The following MAN1A2 variants were observed in gnomAD, a reference collection of about 807,000 sequenced individuals.
MAN1A2 encodes the protein mannosyl-oligosaccharide 1,2-alpha-mannosidase IB.
A neutral mutation model predicts 75.7 loss-of-function variants in MAN1A2; 26 were observed. The observed-to-expected ratio is 0.34, with a 90% CI of 0.25 to 0.48. The LOEUF (loss-of-function observed/expected upper bound fraction) is 0.48. Ranked by LOEUF, MAN1A2 falls within the 20% of genes least tolerant of loss-of-function variation. MAN1A2 has a pLI of 0.99. For synonymous variants in MAN1A2, 247 were observed against 264.6 expected, an observed-to-expected ratio of 0.93 and a Z score of 0.65; for missense variants, 562 against 775.5, an observed-to-expected ratio of 0.72 and a Z score of 3.27.
rs1347144198 is a variant in MAN1A2 at position 117,499,490 on chromosome 1, A to G, written c.1613A>G (p.Tyr538Cys). ...CTCCGTCCAGAAGTAATTGAAACCT[A>G]TTGGTACCTATGGCGATTCACTCAC... Reference protein sequence around the residue: ...YILRPEVIETYWYLWRFTHDP... With the variant: ...YILRPEVIETCWYLWRFTHDP... The change falls in exon 11 of 13, where the codon TAT becomes TGT. Residue 538 changes from tyrosine to cysteine, a missense_variant. Transcript: ENST00000356554. The G allele has an allele frequency of 2.5e-6, 4 of 1,608,768 alleles. No homozygotes were observed. In the South Asian group the frequency reaches 3.3e-5, roughly 13 times the overall value.
intron 8 of MAN1A2, among the ~76,000 whole-genome samples, chr1:117,477,061 A>C (rs1345725196): frequency 1.3e-5 from 2 of 151,902 alleles, no homozygotes; most frequent in Non-Finnish European, 2.9e-5. Flanking sequence ...TCCTGGACAC[A>C]TACACCCTCC....
At chr1:117,484,761 ATG>A (rs1248168483) in intron 8 of MAN1A2, among the ~76,000 whole-genome samples, 38 of 151,934 alleles carry the variant, frequency 2.5e-4, no homozygotes, top group Admixed American at 2.5e-3. Context: ...GTCTGTGTAT[ATG>A]TAAGTTTTAA....
rs190485677 is a variant in MAN1A2 at position 117,408,214 on chromosome 1, G to T, written c.655+2569G>T. Among the ~76,000 whole-genome samples, 442 of 151,548 alleles carry T rather than the reference G, an allele frequency of 2.9e-3. 4 individuals carry two copies. Among genetic ancestry groups the T allele is most frequent in the Admixed American group, 6.8e-3 (104 of 15,194 alleles). ...GGATCGCCTGGGGCCAGGAGTCCAA[G>T]GCTATGGGGCACCATGATCATGATG... On this transcript the variant is annotated intron_variant, in intron 3 of 12. Coordinates refer to ENST00000356554, the MANE Select transcript of MAN1A2 (RefSeq NM_006699.5).
At chr1:117,405,676 A>G (rs1374856820) in intron 3 of MAN1A2, 31 bp downstream of exon 3, 5 of 1,164,812 alleles carry the variant, frequency 4.3e-6, no homozygotes, top group African/African-American at 3.0e-5. Context: ...TACTATTTCC[A>G]TTTTCTACCT....
rs527779373 is a variant in MAN1A2 at position 117,507,455 on chromosome 1, T to C, written c.1793+4485T>C. Among the ~76,000 whole-genome samples, 4 of 151,720 alleles carry C rather than the reference T, an allele frequency of 2.6e-5. No individual in the cohort carries two copies. The East Asian group carries it at 5.8e-4, about 22-fold the overall frequency. On this transcript the variant is annotated intron_variant, in intron 12 of 12. Transcript: ENST00000356554. ...TTTCTCAGTAAGTTTTTGGAACATA[T>C]GCTCCATGAAAACTGGATATAAACC...
At position 117,369,081 on chromosome 1, in the gene MAN1A2, CAGTTA is replaced by C. The variant is rs1318310253; in HGVS notation, c.302+603_302+607del. 3.9e-5 allele frequency among the ~76,000 whole-genome samples: 6 copies of C among 152,116 alleles called. No individual in the cohort carries two copies. In the South Asian group the frequency reaches 6.2e-4, roughly 16 times the overall value. On this transcript the variant is annotated intron_variant, in intron 1 of 12. Coordinates refer to ENST00000356554, the MANE Select transcript of MAN1A2 (RefSeq NM_006699.5). ...TGTGTGTTGGTGCTGTATATGAAATCAGTTAAGTTAAAAGGTATTGAATCCTAAGT... is the reference window on the plus strand; with the variant it reads ...TGTGTGTTGGTGCTGTATATGAAATCAGTTAAAAGGTATTGAATCCTAAGT...
chr1:117,509,816 C>A (rs1281903595), intron 12 of MAN1A2, among the ~76,000 whole-genome samples: 7 of 148,408 alleles, frequency 4.7e-5, no homozygotes, highest in Non-Finnish European at 3.0e-5. Flanking sequence ...GAAGAAATGA[C>A]AAAAAAAAAA....
rs755130917 is a variant in MAN1A2 at position 117,393,476 on chromosome 1, A to ATT, written c.303-8700_303-8699dup. ...AACTATTTATATAACTGCTTCAACT[A>ATT]TTTTTTTTTTTGTGTGTGTGTGTGT... is the stretch of plus-strand genomic sequence containing the variant. On this transcript the variant is annotated intron_variant, in intron 1 of 12. Transcript: ENST00000356554. Among the ~76,000 whole-genome samples the ATT allele has an allele frequency of 3.9e-3, 564 of 144,964 alleles. 8 individuals carry two copies. Among genetic ancestry groups the ATT allele is most frequent in the African/African-American group, 0.013 (529 of 39,534 alleles).
At chr1:117,522,325 G>A (rs188568365) in intron 12 of MAN1A2, among the ~76,000 whole-genome samples, 1 of 151,882 alleles carries the variant, frequency 6.6e-6, no homozygotes, top group South Asian at 2.1e-4. Flanking sequence ...CCCAGGTGTG[G>A]AGGGTTGATT....
At chr1:117,469,491 C>G (rs1168047082) in intron 8 of MAN1A2, among the ~76,000 whole-genome samples, 1 of 151,906 alleles carries the variant, frequency 6.6e-6, no homozygotes, top group Non-Finnish European at 1.5e-5. Flanking sequence ...AATTTTTGTG[C>G]ATCAAAGCAT....
intron 6 of MAN1A2, among the ~76,000 whole-genome samples, chr1:117,444,726 TA>T (rs1430172913): frequency 4.6e-5 from 7 of 152,034 alleles, no homozygotes; most frequent in Admixed American, 6.6e-5. Flanking sequence ...TTTTTCTAAT[TA>T]ATTTATAAAG....
chr1:117,512,333 A>C (rs1651562642), intron 12 of MAN1A2, among the ~76,000 whole-genome samples: 1 of 152,112 alleles, frequency 6.6e-6, no homozygotes, highest in Non-Finnish European at 1.5e-5. Flanking sequence ...GTAACCTAGA[A>C]AAGTGGTTCT....
chr1:117,383,308 T>G (rs1447200328), intron 1 of MAN1A2, among the ~76,000 whole-genome samples: 1 of 152,236 alleles, frequency 6.6e-6, no homozygotes, highest in Non-Finnish European at 1.5e-5. Context: ...ATTTCTGGGA[T>G]AAAGTCTACC....
intron 12 of MAN1A2, among the ~76,000 whole-genome samples, chr1:117,507,159 C>A (rs562962762): frequency 1.3e-5 from 2 of 151,560 alleles, no homozygotes; most frequent in East Asian, 3.9e-4. Context: ...CCATCAAGAT[C>A]CCAGCATAGA....
chr1:117,382,526 G>A (rs1357411416), intron 1 of MAN1A2, among the ~76,000 whole-genome samples: 1 of 152,098 alleles, frequency 6.6e-6, no homozygotes, highest in Non-Finnish European at 1.5e-5. Context: ...GCTCTGTTCT[G>A]TTCCATTGAT....
intron 6 of MAN1A2, among the ~76,000 whole-genome samples, chr1:117,454,185 A>C (rs1649508364): frequency 6.6e-6 from 1 of 152,160 alleles, no homozygotes; most frequent in South Asian, 2.1e-4. Context: ...TGCTTTATGG[A>C]GGTAGTCTGT....
At chr1:117,464,591 T>C (rs1021067974) in intron 7 of MAN1A2, among the ~76,000 whole-genome samples, 3 of 152,054 alleles carry the variant, frequency 2.0e-5, no homozygotes, top group Non-Finnish European at 4.4e-5. Flanking sequence ...ACTCAAATTC[T>C]CATGAGCAGC....
chr1:117,391,328 G>A (rs1653712323), intron 1 of MAN1A2, among the ~76,000 whole-genome samples: 1 of 152,130 alleles, frequency 6.6e-6, no homozygotes, highest in South Asian at 2.1e-4. Context: ...TGTTGTTCAA[G>A]TCTTTTATGT....
At chr1:117,458,573 G>A (rs1490853281) in intron 6 of MAN1A2, among the ~76,000 whole-genome samples, 1 of 133,544 alleles carries the variant, frequency 7.5e-6, no homozygotes. Flanking sequence ...GCCCAAACTA[G>A]AATGCAATGG....
Sources: gnomAD v4.1 joint callset for allele counts (sites outside exome capture counted in the v4.1 genomes callset) on GRCh38, gnomAD v4.1.1 for gene constraint, MANE v1.5 for transcripts, NCBI Gene and HGNC (gene_info 2026-07-23, HGNC 2026-07-21) for gene names.